The following ZNF335 variants were observed in gnomAD, a reference collection of about 807,000 sequenced individuals.
ZNF335 encodes zinc finger protein 335.
Under a neutral mutation model 145.6 loss-of-function variants are expected in ZNF335, and 84 were observed. The ratio of observed to expected loss-of-function variants is 0.58; its 90% CI spans 0.48 to 0.69. ZNF335 has a LOEUF of 0.69. Ranked by LOEUF, ZNF335 falls within the 30% of genes least tolerant of loss-of-function variation. ZNF335 has a pLI of 0.00. For synonymous variants in ZNF335, 761 were observed against 717.0 expected, an observed-to-expected ratio of 1.06 and a Z score of -0.98; for missense variants, 1,865 against 1,809.7, an observed-to-expected ratio of 1.03 and a Z score of -0.55.
intron 9 of ZNF335, 29 bp from the exon 10 acceptor site, chr20:45,962,211 TG>T: frequency 2.5e-6 from 4 of 1,589,774 alleles, no homozygotes; most frequent in Non-Finnish European, 3.5e-6. Flanking sequence ...GATGGTGGGC[TG>T]GGGCTTGGCC....
chr20:45,953,807 C>T lies in ZNF335; in HGVS notation c.2584G>A (p.Gly862Ser). The change falls in exon 18 of 28, where the codon GGC becomes AGC. Residue 862 changes from glycine to serine, a missense_variant. Transcript: ENST00000322927. ...GGGAAAESQL[G>S]PPDLPQITLA... ...GTGATCTGCGGTAGGTCAGGAGGGC[C>T]TAGCTGGCTCTCGGCTGCTGCACCG... The T allele has an allele frequency of 6.2e-7, 1 of 1,614,120 alleles. No individual in the cohort carries two copies. The highest frequency in any genetic ancestry group is 8.5e-7 in the Non-Finnish European group (1 of 1,180,032).
Position 45,960,726 on chromosome 20 carries a change from T to C in ZNF335, c.1672A>G (p.Lys558Glu). The C allele has an allele frequency of 1.2e-6, 2 of 1,613,882 alleles. No homozygotes were observed. Among genetic ancestry groups the C allele is most frequent in the Middle Eastern group, 1.7e-4 (1 of 6,060 alleles). ...ACAGGGCAGGGGAAAGAGCTCAGCT[T>C]TGGAGTCTAGGAAGGCATAAGAAGG... ...DRKKRPDPTPKLSSFPCPVCG... is the reference protein window; with the variant it reads ...DRKKRPDPTPELSSFPCPVCG... Residue 558 changes from lysine to glutamate, a missense_variant, in exon 12 of 28, where the codon AAG becomes GAG. By Grantham distance (56) the Lys-to-Glu change is moderately conservative. Transcript: ENST00000322927.
At chr20:45,961,849 G>C (rs2083848980) in intron 10 of ZNF335, 1 of 482,032 alleles carries the variant, frequency 2.1e-6, no homozygotes, top group Non-Finnish European at 3.8e-6. Flanking sequence ...AAGCTCACAA[G>C]AGGTAAGAGG....
chr20:45,967,442 G>A (rs748110314), intron 6 of ZNF335, 52 bp downstream of exon 6: 11 of 1,613,842 alleles, frequency 6.8e-6, no homozygotes, highest in Non-Finnish European at 9.3e-6. Context: ...AGCTCAGTGA[G>A]TATGTCTAGA....
intron 1 of ZNF335, 47 bp from the exon 2 acceptor site, chr20:45,971,507 A>G: frequency 1.3e-6 from 2 of 1,530,048 alleles, no homozygotes; most frequent in Non-Finnish European, 1.8e-6. Context: ...CCATCTCCCC[A>G]GCCCCGGCAA....
At position 45,949,470 on chromosome 20, in the gene ZNF335, C is replaced by T; in HGVS notation, c.3753+15G>A. On this transcript the variant is annotated intron_variant, in intron 25 of 27. Transcript: ENST00000322927. ...CCCTTCACCACACAGCACCCTCATC[C>T]CAGGTCTGGCCTACCTGGATGTGAT... The T allele has an allele frequency of 6.2e-7, 1 of 1,613,918 alleles. No homozygotes were observed. The highest frequency in any genetic ancestry group is 2.2e-5 in the East Asian group (1 of 44,882).
chr20:45,953,995 A>G, intron 17 of ZNF335, 47 bp from the exon 18 acceptor site: 1 of 1,529,914 alleles, frequency 6.5e-7, no homozygotes, highest in Non-Finnish European at 8.8e-7. Flanking sequence ...GTGGCAGAGG[A>G]GCGGGTATGC....
At position 45,962,195 on chromosome 20, in the gene ZNF335, C is replaced by G. The variant is rs199778566; in HGVS notation, c.1534-13G>C. ...TGAACATGTGCTCCTGGGAGACAGA[C>G]AAAAGGATGGTGGGCTGGGGCTTGG... On this transcript the variant is annotated splice_polypyrimidine_tract_variant and intron_variant, in intron 9 of 27. Coordinates refer to ENST00000322927, the MANE Select transcript of ZNF335 (RefSeq NM_022095.4). 1 of 1,610,510 alleles carries G rather than the reference C, an allele frequency of 6.2e-7. No individual in the cohort carries two copies. The highest frequency in any genetic ancestry group is 8.5e-7 in the Non-Finnish European group (1 of 1,176,898).
chr20:45,962,318 C>A (rs547323321), intron 9 of ZNF335, 136 bp from the exon 10 acceptor site: 3 of 688,036 alleles, frequency 4.4e-6, no homozygotes, highest in Non-Finnish European at 7.7e-6. Context: ...ACAACACACC[C>A]CGACGCAAGG....
At chr20:45,952,783 A>C in intron 18 of ZNF335, 74 bp from the exon 19 acceptor site, 2 of 1,371,534 alleles carry the variant, frequency 1.5e-6, no homozygotes, top group Non-Finnish European at 2.1e-6. Flanking sequence ...ACAGGCATCA[A>C]CTGAGGAGTG....
chr20:45,967,447 T>C (rs1399714771), intron 6 of ZNF335, 47 bp downstream of exon 6: 2 of 1,613,898 alleles, frequency 1.2e-6, no homozygotes, highest in South Asian at 1.1e-5. Context: ...AGTGAGTATG[T>C]CTAGATGGGC....
At position 45,968,044 on chromosome 20, in the gene ZNF335, C is replaced by G. The variant is rs2083993424; in HGVS notation, c.521-17G>C. On this transcript the variant is annotated splice_polypyrimidine_tract_variant and intron_variant, in intron 4 of 27. Transcript: ENST00000322927. ...TGGGGGCTCCTGGGGATGGGTGAGG[C>G]AATTGGAGGGTGGTTAAATGGAGGG... is the stretch of plus-strand genomic sequence containing the variant. 1 of 1,612,000 alleles carries G rather than the reference C, an allele frequency of 6.2e-7. No homozygotes were observed. The highest frequency in any genetic ancestry group is 8.5e-7 in the Non-Finnish European group (1 of 1,179,876).
rs1011297425 is a variant in ZNF335, at chr20:45,953,549, A to C, written c.2702+140T>G. The C allele has an allele frequency of 1.2e-5, 14 of 1,138,262 alleles. No individual in the cohort carries two copies. In the East Asian group the frequency reaches 3.2e-4, roughly 26 times the overall value. The allele number at this position is 1,138,262 out of a possible 1,614,324, so 70.5% of individuals were successfully genotyped here. On this transcript the variant is annotated intron_variant, in intron 18 of 27. Coordinates refer to ENST00000322927, the MANE Select transcript of ZNF335 (RefSeq NM_022095.4). ...AATGGTAGCTCTTGACCTCCTGAGA[A>C]GGGTAGACTCCACCACTAATCACTT...
intron 11 of ZNF335, 35 bp downstream of exon 11, chr20:45,960,829 C>T: frequency 6.2e-7 from 1 of 1,613,948 alleles, no homozygotes. Context: ...AACCCCCGGG[C>T]AGGTTCCCTT....
rs746588205 is a variant in ZNF335 at position 45,963,794 on chromosome 20, A to G, written c.1299T>C (p.Thr433=). ...AAGGTCGACCTCGGCGCCGGGGCAG[A>G]GTGTCATGCTCATCCGGGCAGGAGG... ...AAPSCPDEHD[T]LPRRRGRPSR... is the part of the protein sequence containing the mutation. The change falls in exon 8 of 28, where the codon ACT becomes ACC. Residue 433 remains threonine, a synonymous_variant. Coordinates refer to ENST00000322927, the MANE Select transcript of ZNF335 (RefSeq NM_022095.4). 1.2e-6 allele frequency: 2 copies of G among 1,614,156 alleles called. No homozygotes were observed. The highest frequency in any genetic ancestry group is 4.5e-5 in the East Asian group (2 of 44,878).
Position 45,971,377 on chromosome 20 carries a change from C to A in ZNF335, c.34G>T (p.Ala12Ser). 6.2e-7 allele frequency: 1 copy of A among 1,600,664 alleles called. No homozygotes were observed. The highest frequency in any genetic ancestry group is 8.5e-7 in the Non-Finnish European group (1 of 1,179,744). The change falls in exon 2 of 28, where the codon GCG (alanine) becomes TCG (serine). Residue 12 changes from alanine (A) to serine (S), a missense_variant. Coordinates refer to ENST00000322927, the MANE Select transcript of ZNF335 (RefSeq NM_022095.4). ...TCGGGCCGGCCAGGCCCAGGGGCCGCGTCGCTGCTGCTCTCCACCTCGTTC... is the reference window on the plus strand; with the variant it reads ...TCGGGCCGGCCAGGCCCAGGGGCCGAGTCGCTGCTGCTCTCCACCTCGTTC... Reference protein sequence around the residue: ...EENEVESSSDAAPGPGRPEEP... With the variant: ...EENEVESSSDSAPGPGRPEEP...
chr20:45,957,521 G>C (rs538461823), intron 17 of ZNF335, 65 bp downstream of exon 17: 2 of 1,477,300 alleles, frequency 1.4e-6, no homozygotes, highest in African/African-American at 1.4e-5. Context: ...TCTAGTCCCA[G>C]TGTCCAGTGC....
Position 45,952,386 on chromosome 20 carries a change from C to T in ZNF335, c.2950G>A (p.Gly984Arg). ...GAGGAGGCAGAGCTCTGGGAGTCCC[C>T]TACGCAGTGGGTCTTGGCTGGAGAT... Reference protein sequence around the residue: ...PPSPAKTHCVGDSQSSASSPP... With the variant: ...PPSPAKTHCVRDSQSSASSPP... The change falls in exon 20 of 28, where the codon GGG (glycine) becomes AGG (arginine). Residue 984 changes from glycine (G) to arginine (R), a missense_variant. Physicochemically the swap from Gly to Arg is moderately radical, Grantham distance 125. Transcript: ENST00000322927. 1.2e-6 allele frequency: 2 copies of T among 1,602,714 alleles called. No homozygotes were observed. Among genetic ancestry groups the T allele is most frequent in the South Asian group, 1.1e-5 (1 of 89,768 alleles).
At chr20:45,971,581 G>A in intron 1 of ZNF335, 121 bp from the exon 2 acceptor site, 2 of 1,447,430 alleles carry the variant, frequency 1.4e-6, no homozygotes, top group South Asian at 2.9e-5. Flanking sequence ...TCTCCGACGG[G>A]GCGGAGCTTC....
Sources: gnomAD v4.1 joint callset for allele counts on GRCh38, gnomAD v4.1.1 for gene constraint, MANE v1.5 for transcripts, NCBI Gene and HGNC (gene_info 2026-07-23, HGNC 2026-07-21) for gene names.